The following RBFOX1 variants were observed in gnomAD, a reference collection of about 807,000 sequenced individuals.
The protein encoded by RBFOX1 is RNA binding fox-1 homolog 1, also known as RNA binding protein fox-1 homolog 1.
In RBFOX1, 8 loss-of-function variants were observed where a neutral mutation model predicts 57.7. The observed-to-expected ratio is 0.14, with a 90% confidence interval of 0.08 to 0.25. RBFOX1 has a LOEUF of 0.25. Ranked by LOEUF, RBFOX1 falls within the 10% of genes least tolerant of loss-of-function variation. The pLI, the probability that RBFOX1 is intolerant of heterozygous loss-of-function variation, is 1.00. For synonymous variants in RBFOX1, 326 were observed against 222.4 expected (o/e 1.47, Z -4.15); for missense variants, 611 against 548.5 (o/e 1.11, Z -1.14).
chr16:7,055,360 T>A (rs9924053), intron 4 of RBFOX1, among the ~76,000 whole-genome samples: 81,226 of 151,948 alleles, frequency 0.53, 23,866 homozygotes, highest in South Asian at 0.77. Flanking sequence ...TAAGAGTTAT[T>A]TACAAAAATA....
chr16:7,438,779 A>G (rs375941362), intron 4 of RBFOX1, among the ~76,000 whole-genome samples: 18 of 152,310 alleles, frequency 1.2e-4, no homozygotes, highest in East Asian at 9.7e-4. Flanking sequence ...GCGCCTGTCA[A>G]TAATTCAATA....
chr16:6,680,552 C>A (rs764878591), intron 3 of RBFOX1, among the ~76,000 whole-genome samples: 1 of 152,224 alleles, frequency 6.6e-6, no homozygotes, highest in African/African-American at 2.4e-5. Flanking sequence ...CGTAAGCCAC[C>A]GCGTCCGGCC....
chr16:7,268,907 A>G (rs900456934), intron 4 of RBFOX1, among the ~76,000 whole-genome samples: 4 of 151,772 alleles, frequency 2.6e-5, no homozygotes, highest in Admixed American at 6.6e-5. Context: ...CGTGGTGGCA[A>G]ATGCCTGCAA....
chr16:6,542,743 CGG>C (rs928524320), intron 2 of RBFOX1, among the ~76,000 whole-genome samples: 1 of 150,822 alleles, frequency 6.6e-6, no homozygotes, highest in African/African-American at 2.4e-5. Context: ...CTGCCTGCCT[CGG>C]CCCCCAGAAG....
At chr16:6,968,715 C>G (rs907643455) in intron 3 of RBFOX1, among the ~76,000 whole-genome samples, 3 of 152,290 alleles carry the variant, frequency 2.0e-5, no homozygotes, top group African/African-American at 4.8e-5. Context: ...CTCCTGTTCT[C>G]ATGGCAGCTG....
intron 1 of RBFOX1, among the ~76,000 whole-genome samples, chr16:6,109,081 T>C (rs1050769630): frequency 5.9e-5 from 9 of 152,222 alleles, no homozygotes; most frequent in African/African-American, 9.6e-5. Context: ...TTTTCCATTG[T>C]ACAAGAATGG....
At chr16:7,390,834 T>C (rs1250531899) in intron 4 of RBFOX1, among the ~76,000 whole-genome samples, 1 of 152,110 alleles carries the variant, frequency 6.6e-6, no homozygotes, top group Non-Finnish European at 1.5e-5. Flanking sequence ...ATTCCAACAA[T>C]CGAGTTGTTT....
At chr16:7,567,220 T>TATATCCCTATATATATATCC (rs2091942759) in intron 5 of RBFOX1, among the ~76,000 whole-genome samples, 1 of 115,030 alleles carries the variant, frequency 8.7e-6, no homozygotes, top group Non-Finnish European at 1.7e-5. Context: ...AATATCCATA[T>TATATCCCTATATATATATCC]ATATATCCCT....
intron 3 of RBFOX1, among the ~76,000 whole-genome samples, chr16:5,749,453 C>T (rs946146923): frequency 6.6e-6 from 1 of 152,222 alleles, no homozygotes; most frequent in Non-Finnish European, 1.5e-5. Flanking sequence ...TAATATCCTG[C>T]AGAGTGTTTT....
chr16:7,262,466 G>A (rs1251938862), intron 4 of RBFOX1, among the ~76,000 whole-genome samples: 1 of 152,260 alleles, frequency 6.6e-6, no homozygotes, highest in Non-Finnish European at 1.5e-5. Context: ...GTCTATAGAT[G>A]TGGATCTATG....
At position 6,607,774 on chromosome 16, in the gene RBFOX1, C is replaced by T. The variant is rs11644913; in HGVS notation, c.-63-46829C>T. ...ATATGGTTCCAAAATTCAGTGTCTA[C>T]AACATAGCTCCCGAATAATGTTTCA... On this transcript the variant is annotated intron_variant, in intron 2 of 15. Coordinates refer to ENST00000550418, the MANE Select transcript of RBFOX1 (RefSeq NM_018723.4). Among the ~76,000 whole-genome samples, 356 of 152,274 alleles carry T rather than the reference C, an allele frequency of 2.3e-3. 2 individuals carry two copies. The highest frequency in any genetic ancestry group is 3.6e-3 in the Non-Finnish European group (243 of 68,004).
At chr16:6,597,111 G>C (rs1168614504) in intron 2 of RBFOX1, among the ~76,000 whole-genome samples, 1 of 152,084 alleles carries the variant, frequency 6.6e-6, no homozygotes, top group Non-Finnish European at 1.5e-5. Context: ...TTCTTTTTCT[G>C]GAGAAATTAC....
At chr16:6,911,609 C>T (rs1235669351) in intron 3 of RBFOX1, among the ~76,000 whole-genome samples, 1 of 152,160 alleles carries the variant, frequency 6.6e-6, no homozygotes, top group African/African-American at 2.4e-5. Flanking sequence ...GACCCTGCTT[C>T]CAAATCACGT....
At chr16:6,902,377 C>T (rs1157558378) in intron 3 of RBFOX1, among the ~76,000 whole-genome samples, 1 of 152,166 alleles carries the variant, frequency 6.6e-6, no homozygotes, top group Non-Finnish European at 1.5e-5. Context: ...AAGTGAATAT[C>T]TGGAGCTATC....
chr16:6,568,732 T>G (rs952999995), intron 2 of RBFOX1, among the ~76,000 whole-genome samples: 7 of 152,126 alleles, frequency 4.6e-5, no homozygotes, highest in African/African-American at 1.7e-4. Context: ...CAGGGGCCAG[T>G]TGGGTGGAAA....
intron 5 of RBFOX1, among the ~76,000 whole-genome samples, chr16:7,540,423 G>A (rs546226078): frequency 6.6e-6 from 1 of 152,270 alleles, no homozygotes; most frequent in East Asian, 1.9e-4. Flanking sequence ...GCAAGACTTG[G>A]CAAGTAACAC....
chr16:7,172,713 A>G lies in RBFOX1; in HGVS notation c.27+120615A>G, dbSNP rs192552125. On this transcript the variant is annotated intron_variant, in intron 4 of 15. Coordinates refer to ENST00000550418, the MANE Select transcript of RBFOX1 (RefSeq NM_018723.4). ...AGGCAGAGGGGGATCTTGACACACA[A>G]TGATGAGTTCACCTACATGGGGGCT... Among the ~76,000 whole-genome samples, 49 of 152,346 alleles carry G rather than the reference A, an allele frequency of 3.2e-4. No homozygotes were observed. The East Asian group carries it at 6.8e-3, about 21-fold the overall frequency.
intron 1 of RBFOX1, among the ~76,000 whole-genome samples, chr16:5,354,759 G>A (rs1427416135): frequency 6.6e-6 from 1 of 152,322 alleles, no homozygotes; most frequent in East Asian, 1.9e-4. Flanking sequence ...TCATTTCGAA[G>A]GTACCAGGGC....
chr16:6,678,565 G>C (rs759802874), intron 3 of RBFOX1, among the ~76,000 whole-genome samples: 1 of 151,282 alleles, frequency 6.6e-6, no homozygotes, highest in East Asian at 1.9e-4. Context: ...TCTCTTTAGA[G>C]GTTTTGTGAT....
Sources: gnomAD v4.1 joint callset for allele counts (sites outside exome capture counted in the v4.1 genomes callset) on GRCh38, gnomAD v4.1.1 for gene constraint, MANE v1.5 for transcripts, NCBI Gene and HGNC (gene_info 2026-07-23, HGNC 2026-07-21) for gene names.